Variants in OLFM3 observed in about 807,000 individuals in gnomAD.
The protein encoded by OLFM3 is olfactomedin 3.
OLFM3 carries 20 observed loss-of-function variants against 48.6 expected under a neutral mutation model. The observed-to-expected ratio is 0.41, with a 90% confidence interval of 0.29 to 0.60. The LOEUF (loss-of-function observed/expected upper bound fraction) is 0.60. Ranked by LOEUF, OLFM3 falls within the 20% of genes least tolerant of loss-of-function variation. The pLI, the probability that OLFM3 is intolerant of heterozygous loss-of-function variation, is 0.28. For missense variants in OLFM3, 437 were observed against 544.3 expected, an observed-to-expected ratio of 0.80 and a Z score of 1.96; for synonymous variants, 222 against 198.1, an observed-to-expected ratio of 1.12 and a Z score of -1.01.
intron 1 of OLFM3, among the ~76,000 whole-genome samples, chr1:101,918,579 C>G (rs1448615833): frequency 3.0e-5 from 2 of 67,196 alleles, no homozygotes; most frequent in Middle Eastern, 5.7e-3. Flanking sequence ...TTTTTTTTAA[C>G]TTATAAGGTG....
intron 1 of OLFM3, among the ~76,000 whole-genome samples, chr1:101,906,899 C>A (rs1658572353): frequency 6.6e-6 from 1 of 152,122 alleles, no homozygotes; most frequent in African/African-American, 2.4e-5. Flanking sequence ...AACATGCATG[C>A]ATACATATGT....
intron 1 of OLFM3, among the ~76,000 whole-genome samples, chr1:101,892,756 T>G (rs1310743745): frequency 6.6e-6 from 1 of 152,074 alleles, no homozygotes; most frequent in Non-Finnish European, 1.5e-5. Context: ...TCTTCTTTAC[T>G]GTAAGCATTA....
chr1:101,971,943 C>T (rs1660816385), intron 1 of OLFM3, among the ~76,000 whole-genome samples: 1 of 151,422 alleles, frequency 6.6e-6, no homozygotes, highest in South Asian at 2.1e-4. Flanking sequence ...AGTGTATATA[C>T]ACATACTTAT....
intron 1 of OLFM3, among the ~76,000 whole-genome samples, chr1:101,923,438 C>T (rs1156822729): frequency 6.6e-6 from 1 of 152,134 alleles, no homozygotes; most frequent in Admixed American, 6.5e-5. Flanking sequence ...TAAAACACTT[C>T]AGCATTTCTG....
intron 1 of OLFM3, among the ~76,000 whole-genome samples, chr1:101,845,552 G>GA (rs1027063662): frequency 6.6e-6 from 1 of 151,112 alleles, no homozygotes; most frequent in East Asian, 1.9e-4. Flanking sequence ...CTTGGACATT[G>GA]AAAAAAAAAT....
At chr1:101,853,338 C>G (rs1236598423) in intron 1 of OLFM3, among the ~76,000 whole-genome samples, 1 of 151,964 alleles carries the variant, frequency 6.6e-6, no homozygotes, top group Non-Finnish European at 1.5e-5. Context: ...TTTCTCCTTC[C>G]TCCCAAGATC....
chr1:101,852,805 G>T (rs924761074), intron 1 of OLFM3, among the ~76,000 whole-genome samples: 1 of 152,062 alleles, frequency 6.6e-6, no homozygotes, highest in Non-Finnish European at 1.5e-5. Context: ...AGTTGCTCAG[G>T]CCAAAAAGTC....
At chr1:101,976,058 G>A (rs1660944388) in intron 1 of OLFM3, among the ~76,000 whole-genome samples, 1 of 152,038 alleles carries the variant, frequency 6.6e-6, no homozygotes, top group Non-Finnish European at 1.5e-5. Context: ...AATTAATAAG[G>A]ACAGAATACA....
At chr1:101,832,484 G>T (rs1304168744) in intron 2 of OLFM3, among the ~76,000 whole-genome samples, 1 of 151,996 alleles carries the variant, frequency 6.6e-6, no homozygotes, top group Non-Finnish European at 1.5e-5. Flanking sequence ...CCATCATCTT[G>T]CCCTTTTTGG....
At chr1:101,844,304 G>A (rs1312561688) in intron 1 of OLFM3, among the ~76,000 whole-genome samples, 2 of 152,162 alleles carry the variant, frequency 1.3e-5, no homozygotes, top group African/African-American at 4.8e-5. Context: ...CCAGGGAGAT[G>A]AGAAAACATA....
At chr1:101,960,348 G>A (rs552065859) in intron 1 of OLFM3, among the ~76,000 whole-genome samples, 1 of 152,326 alleles carries the variant, frequency 6.6e-6, no homozygotes, top group South Asian at 2.1e-4. Flanking sequence ...GCACTCTGCA[G>A]TGACTGCAAC....
At chr1:101,959,507 G>A (rs1045226530) in intron 1 of OLFM3, among the ~76,000 whole-genome samples, 6 of 151,840 alleles carry the variant, frequency 4.0e-5, no homozygotes, top group African/African-American at 1.5e-4. Context: ...CACTGTGCTC[G>A]GCTTAAAAAA....
intron 1 of OLFM3, among the ~76,000 whole-genome samples, chr1:101,882,337 T>C (rs1014731799): frequency 9.3e-6 from 1 of 107,958 alleles, no homozygotes; most frequent in Admixed American, 8.8e-5. Flanking sequence ...ATATAATATA[T>C]ATATATATAT....
At chr1:101,810,627 G>C (rs1258550289) in intron 4 of OLFM3, among the ~76,000 whole-genome samples, 1 of 151,842 alleles carries the variant, frequency 6.6e-6, no homozygotes, top group Admixed American at 6.6e-5. Context: ...CTTGGGACCA[G>C]GAAGTAGATG....
intron 1 of OLFM3, among the ~76,000 whole-genome samples, chr1:101,932,138 T>C (rs1659463319): frequency 6.6e-6 from 1 of 152,214 alleles, no homozygotes; most frequent in Non-Finnish European, 1.5e-5. Context: ...GTGGAAATAC[T>C]ATATTCTCTG....
chr1:101,921,559 G>A (rs1659096246), intron 1 of OLFM3, among the ~76,000 whole-genome samples: 1 of 152,098 alleles, frequency 6.6e-6, no homozygotes, highest in African/African-American at 2.4e-5. Context: ...AAGGCACTTG[G>A]GCTCATTTCC....
intron 1 of OLFM3, among the ~76,000 whole-genome samples, chr1:101,928,990 T>C (rs1659363405): frequency 6.6e-6 from 1 of 152,100 alleles, no homozygotes; most frequent in Admixed American, 6.6e-5. Context: ...GCCCCTTCTA[T>C]GTAAAGAGCA....
intron 1 of OLFM3, among the ~76,000 whole-genome samples, chr1:101,898,270 C>T (rs976472927): frequency 2.6e-5 from 4 of 152,096 alleles, no homozygotes; most frequent in African/African-American, 4.8e-5. Context: ...AATATAATCT[C>T]CTTTTGACTG....
At chr1:101,974,641 T>C (rs1255822431) in intron 1 of OLFM3, among the ~76,000 whole-genome samples, 2 of 152,156 alleles carry the variant, frequency 1.3e-5, no homozygotes, top group Non-Finnish European at 2.9e-5. Flanking sequence ...AAAAAAGCAC[T>C]GCTTTAACCT....
Sources: allele counts gnomAD v4.1 joint callset (sites outside exome capture counted in the v4.1 genomes callset), GRCh38; gene constraint gnomAD v4.1.1; transcripts MANE v1.5; gene names NCBI Gene and HGNC (gene_info 2026-07-23, HGNC 2026-07-21).